The following ZCCHC7 variants were observed in gnomAD, a reference collection of about 807,000 sequenced individuals.
The protein encoded by ZCCHC7 is zinc finger CCHC domain-containing protein 7.
ZCCHC7 carries 35 observed loss-of-function variants against 52.0 expected under a neutral mutation model. That is an observed-to-expected ratio of 0.67 (90% CI 0.51 to 0.89). The LOEUF is 0.89. Ranked by LOEUF, ZCCHC7 falls within the 40% of genes least tolerant of loss-of-function variation. ZCCHC7 has a pLI of 0.00. For synonymous variants in ZCCHC7, 217 were observed against 221.5 expected (o/e 0.98, Z 0.18); for missense variants, 574 against 649.1 (o/e 0.88, Z 1.26).
intron 2 of ZCCHC7, among the ~76,000 whole-genome samples, chr9:37,192,380 A>G (rs989198873): frequency 3.9e-5 from 6 of 152,218 alleles, no homozygotes; most frequent in African/African-American, 1.4e-4. Context: ...ATTTCAGTAT[A>G]GCTCATTGCC....
chr9:37,167,496 T>C (rs998638304), intron 2 of ZCCHC7, among the ~76,000 whole-genome samples: 1 of 152,212 alleles, frequency 6.6e-6, no homozygotes, highest in African/African-American at 2.4e-5. Flanking sequence ...AATGTTCTTG[T>C]CCCCTAATTT....
intron 2 of ZCCHC7, among the ~76,000 whole-genome samples, chr9:37,220,811 TGAG>T (rs539719630): frequency 1.5e-4 from 23 of 152,050 alleles, no homozygotes; most frequent in African/African-American, 2.9e-4. Context: ...TGAAGAACAA[TGAG>T]GAGAGAAGTC....
At chr9:37,337,403 C>A (rs1588690868) in intron 6 of ZCCHC7, among the ~76,000 whole-genome samples, 1 of 13,680 alleles carries the variant, frequency 7.3e-5, no homozygotes, top group African/African-American at 1.9e-4. Context: ...ACCCACCCAC[C>A]CCCCCCCCCC....
At chr9:37,231,994 AT>A (rs1825431111) in intron 2 of ZCCHC7, among the ~76,000 whole-genome samples, 1 of 152,180 alleles carries the variant, frequency 6.6e-6, no homozygotes, top group South Asian at 2.1e-4. Context: ...TGGTTGTCAC[AT>A]TTCTGCAAAC....
chr9:37,221,935 A>AT (rs1277226222), intron 2 of ZCCHC7, among the ~76,000 whole-genome samples: 4 of 152,138 alleles, frequency 2.6e-5, no homozygotes, highest in African/African-American at 9.7e-5. Context: ...TCTATAAAAG[A>AT]TTCATAAAGA....
intron 2 of ZCCHC7, among the ~76,000 whole-genome samples, chr9:37,127,813 C>G (rs1842606951): frequency 6.6e-6 from 1 of 152,130 alleles, no homozygotes; most frequent in Non-Finnish European, 1.5e-5. Context: ...CTTGGAGCCC[C>G]TGGGATTGGC....
intron 2 of ZCCHC7, among the ~76,000 whole-genome samples, chr9:37,206,703 G>A (rs1002758466): frequency 1.3e-5 from 2 of 152,088 alleles, no homozygotes; most frequent in Admixed American, 6.6e-5. Flanking sequence ...AAATTGCAGC[G>A]ACTTTGACCT....
chr9:37,187,904 A>G (rs1007776696), intron 2 of ZCCHC7, among the ~76,000 whole-genome samples: 8 of 152,148 alleles, frequency 5.3e-5, no homozygotes, highest in Admixed American at 2.0e-4. Context: ...ACTTAAAAAT[A>G]CTATCCTACT....
chr9:37,166,151 C>CT (rs1182172927), intron 2 of ZCCHC7, among the ~76,000 whole-genome samples: 2 of 151,806 alleles, frequency 1.3e-5, no homozygotes, highest in Non-Finnish European at 2.9e-5. Flanking sequence ...AATCCCAGCA[C>CT]TTTGGGAGGC....
Position 37,357,451 on chromosome 9 carries a change from G to C in ZCCHC7, c.*183G>C, listed in dbSNP as rs1821781431. The stretch of plus-strand genomic sequence containing the variant: ...AGATCTCAATTCTCTGTGTCCAACA[G>C]GATATTAGGTAAGAAAGTACAAAGA... On this transcript the variant is annotated 3_prime_UTR_variant, in exon 9 of 9. Coordinates refer to ENST00000336755, the MANE Select transcript of ZCCHC7 (RefSeq NM_032226.3). The C allele has an allele frequency of 1.3e-5, 6 of 468,046 alleles. No homozygotes were observed. The highest frequency in any genetic ancestry group is 2.2e-5 in the Non-Finnish European group (6 of 277,252). 29.0% of individuals were successfully genotyped at this position (468,046 alleles called of 1,614,324 possible). A position where few individuals can be genotyped will look rare whatever the true frequency, so the allele number is the denominator to read the frequency against.
At chr9:37,194,533 T>A (rs1003597831) in intron 2 of ZCCHC7, among the ~76,000 whole-genome samples, 1 of 152,150 alleles carries the variant, frequency 6.6e-6, no homozygotes, top group Non-Finnish European at 1.5e-5. Flanking sequence ...CAGACTCTAG[T>A]GGCACTGGGA....
chr9:37,183,535 C>A (rs1337804836), intron 2 of ZCCHC7, among the ~76,000 whole-genome samples: 1 of 152,160 alleles, frequency 6.6e-6, no homozygotes, highest in African/African-American at 2.4e-5. Flanking sequence ...ACAGCCCTTT[C>A]TTTGATGTTC....
chr9:37,239,709 G>A (rs188656163), intron 2 of ZCCHC7, among the ~76,000 whole-genome samples: 3 of 152,120 alleles, frequency 2.0e-5, no homozygotes, highest in African/African-American at 7.2e-5. Flanking sequence ...GAAATAATTG[G>A]CCTGTTCAAA....
intron 7 of ZCCHC7, among the ~76,000 whole-genome samples, chr9:37,350,715 T>C (rs1821327177): frequency 6.6e-6 from 1 of 152,196 alleles, no homozygotes; most frequent in Non-Finnish European, 1.5e-5. Context: ...AGATGCCACA[T>C]TAAGTATGAA....
rs978790501 is a variant in ZCCHC7, at chr9:37,260,337, T to C, written c.611-41851T>C. On this transcript the variant is annotated intron_variant, in intron 2 of 8. Transcript: ENST00000336755. ...GAGTGCCCTGTGTTGTCCACGTCTG[T>C]CCCAGGTATTCACATTTGGGCCCAG... 4.6e-5 allele frequency among the ~76,000 whole-genome samples: 7 copies of C among 152,218 alleles called. No individual in the cohort carries two copies. The South Asian group carries it at 1.2e-3, about 27-fold the overall frequency.
chr9:37,156,770 A>G (rs934884676), intron 2 of ZCCHC7, among the ~76,000 whole-genome samples: 4 of 152,208 alleles, frequency 2.6e-5, no homozygotes, highest in African/African-American at 9.6e-5. Flanking sequence ...TTGTCTCTGC[A>G]TTTGTTAAAA....
intron 5 of ZCCHC7, among the ~76,000 whole-genome samples, chr9:37,315,622 C>T (rs538743183): frequency 4.0e-5 from 6 of 151,762 alleles, no homozygotes; most frequent in African/African-American, 1.4e-4. Context: ...GAGGTAGTTT[C>T]AGATATAAAG....
chr9:37,169,369 G>A (rs1387009025), intron 2 of ZCCHC7, among the ~76,000 whole-genome samples: 1 of 152,194 alleles, frequency 6.6e-6, no homozygotes, highest in Non-Finnish European at 1.5e-5. Context: ...AATAGAATGG[G>A]ACCATACTTT....
intron 2 of ZCCHC7, among the ~76,000 whole-genome samples, chr9:37,246,360 T>A (rs1262743535): frequency 6.6e-6 from 1 of 152,132 alleles, no homozygotes; most frequent in Non-Finnish European, 1.5e-5. Context: ...AGCATGAGAA[T>A]GTTAACTGAA....
Sources: allele counts gnomAD v4.1 joint callset (sites outside exome capture counted in the v4.1 genomes callset), GRCh38; gene constraint gnomAD v4.1.1; transcripts MANE v1.5; gene names NCBI Gene and HGNC (gene_info 2026-07-23, HGNC 2026-07-21).